GPM6A: variants seen among roughly 807,000 people sequenced by gnomAD.
GPM6A encodes neuronal membrane glycoprotein M6-a.
In GPM6A, 7 loss-of-function variants were observed where a neutral mutation model predicts 32.1. The ratio of observed to expected loss-of-function variants is 0.22; its 90% CI spans 0.12 to 0.41. The LOEUF (loss-of-function observed/expected upper bound fraction) is 0.41. Among genes scored for constraint, GPM6A ranks in the 10% least tolerant of loss-of-function variants. The pLI is 1.00. For synonymous variants in GPM6A, 130 were observed against 123.4 expected (o/e 1.05, Z -0.35); for missense variants, 235 against 347.2 (o/e 0.68, Z 2.57).
chr4:175,967,616 A>G (rs984775274), intron 1 of GPM6A, among the ~76,000 whole-genome samples: 19 of 152,190 alleles, frequency 1.2e-4, no homozygotes, highest in Non-Finnish European at 2.6e-4. Context: ...TCACTTTCTT[A>G]TATGCCAGCA....
chr4:175,763,951 A>T (rs2111216238), intron 1 of GPM6A, among the ~76,000 whole-genome samples: 1 of 152,308 alleles, frequency 6.6e-6, no homozygotes, highest in Admixed American at 6.5e-5. Context: ...GATTTTGGAA[A>T]TGTTGTTTTA....
chr4:175,911,075 A>C (rs1738299969), intron 1 of GPM6A, among the ~76,000 whole-genome samples: 1 of 152,128 alleles, frequency 6.6e-6, no homozygotes, highest in Non-Finnish European at 1.5e-5. Flanking sequence ...AGGGTGGTGA[A>C]ATAACCTCCC....
chr4:175,894,631 C>T (rs979999959), intron 1 of GPM6A, among the ~76,000 whole-genome samples: 2 of 152,074 alleles, frequency 1.3e-5, no homozygotes, highest in African/African-American at 4.8e-5. Context: ...GAGTAACCTG[C>T]ACAAACAACA....
At chr4:175,995,890 G>GACCT (rs763478938) in intron 1 of GPM6A, among the ~76,000 whole-genome samples, 1 of 146,128 alleles carries the variant, frequency 6.8e-6, no homozygotes, top group Non-Finnish European at 1.5e-5. Flanking sequence ...CCATTATTCT[G>GACCT]GTTATGTCGT....
chr4:175,701,781 C>A lies in GPM6A; in HGVS notation c.38-14G>T. On this transcript the variant is annotated splice_polypyrimidine_tract_variant and intron_variant, in intron 1 of 6. Coordinates refer to ENST00000393658, the MANE Select transcript of GPM6A (RefSeq NM_201591.3). ...ATTCAAAACACCCTGTAGAAGATCA[C>A]AAAGGGAGAAATTCATATTTTTGTT... The A allele has an allele frequency of 6.4e-7, 1 of 1,555,610 alleles. No individual in the cohort carries two copies. Among genetic ancestry groups the A allele is most frequent in the Non-Finnish European group, 8.7e-7 (1 of 1,143,316 alleles).
intron 1 of GPM6A, among the ~76,000 whole-genome samples, chr4:175,713,164 A>G (rs917333232): frequency 2.6e-5 from 4 of 152,064 alleles, no homozygotes; most frequent in Non-Finnish European, 5.9e-5. Flanking sequence ...TTAATAGTTA[A>G]CCCTTTAATG....
intron 3 of GPM6A, among the ~76,000 whole-genome samples, chr4:175,664,634 C>G (rs1018739301): frequency 1.3e-5 from 2 of 152,212 alleles, no homozygotes; most frequent in African/African-American, 4.8e-5. Context: ...TTTGCATCTA[C>G]TTAACCTCTC....
At chr4:175,922,287 A>G (rs1401161739) in intron 1 of GPM6A, among the ~76,000 whole-genome samples, 1 of 152,194 alleles carries the variant, frequency 6.6e-6, no homozygotes. Context: ...CAAATGTCCT[A>G]TAAGTCCCAC....
intron 1 of GPM6A, among the ~76,000 whole-genome samples, chr4:175,904,100 C>T (rs998486727): frequency 2.0e-5 from 3 of 151,798 alleles, no homozygotes; most frequent in Non-Finnish European, 1.5e-5. Flanking sequence ...TCAATGTTTC[C>T]AATGACATTC....
chr4:175,748,893 A>G (rs927964229), intron 1 of GPM6A, among the ~76,000 whole-genome samples: 5 of 152,190 alleles, frequency 3.3e-5, no homozygotes, highest in African/African-American at 7.2e-5. Context: ...TGGATAACCC[A>G]CTGCAGCTTC....
At chr4:175,903,699 G>A (rs1259060930) in intron 1 of GPM6A, among the ~76,000 whole-genome samples, 1 of 152,044 alleles carries the variant, frequency 6.6e-6, no homozygotes, top group Non-Finnish European at 1.5e-5. Context: ...CACACTGAGG[G>A]ACATTCCATA....
In GPM6A at chr4:175,776,146, T is replaced by A. The variant is rs767221855; in HGVS notation, c.37+36045A>T. Reference sequence around the variant, plus strand: ...AGATAACACATCGATGAGCAAAGACTTTTTCAAAAAGAGATCTATGGCAAG... The same window carrying A: ...AGATAACACATCGATGAGCAAAGACATTTTCAAAAAGAGATCTATGGCAAG... On this transcript the variant is annotated intron_variant, in intron 1 of 6. Coordinates refer to ENST00000393658, the MANE Select transcript of GPM6A (RefSeq NM_201591.3). Among the ~76,000 whole-genome samples the A allele has an allele frequency of 1.4e-4, 22 of 152,108 alleles. 1 individual carries two copies. The highest frequency in any genetic ancestry group is 2.9e-4 in the Non-Finnish European group (20 of 68,016).
chr4:175,735,738 T>A (rs1721341643), intron 1 of GPM6A, among the ~76,000 whole-genome samples: 1 of 152,084 alleles, frequency 6.6e-6, no homozygotes, highest in Non-Finnish European at 1.5e-5. Flanking sequence ...TTTTTTGTAT[T>A]TTTAGTGGAG....
At chr4:175,836,909 C>A (rs1161243539) in intron 1 of GPM6A, among the ~76,000 whole-genome samples, 1 of 152,098 alleles carries the variant, frequency 6.6e-6, no homozygotes, top group African/African-American at 2.4e-5. Context: ...AATAACAACT[C>A]CCCCAGGATG....
intron 1 of GPM6A, among the ~76,000 whole-genome samples, chr4:176,002,016 C>T (rs933777065): frequency 1.3e-5 from 2 of 152,162 alleles, no homozygotes; most frequent in African/African-American, 4.8e-5. Context: ...AGGCTTGGGT[C>T]CTGGGGCCGG....
At chr4:175,867,450 C>A (rs540699782) in intron 1 of GPM6A, among the ~76,000 whole-genome samples, 2 of 151,922 alleles carry the variant, frequency 1.3e-5, no homozygotes, top group African/African-American at 4.8e-5. Context: ...AGATCTGTGC[C>A]TAGATTGTTT....
chr4:175,807,914 T>C (rs542425049), intron 1 of GPM6A, among the ~76,000 whole-genome samples: 2 of 152,314 alleles, frequency 1.3e-5, no homozygotes, highest in East Asian at 3.9e-4. Context: ...TTTGGTCTAG[T>C]CAATTAATCT....
In GPM6A at chr4:175,701,778, T is replaced by A; in HGVS notation, c.38-11A>T. 6.4e-7 allele frequency: 1 copy of A among 1,566,170 alleles called. No individual in the cohort carries two copies. The highest frequency in any genetic ancestry group is 8.7e-7 in the Non-Finnish European group (1 of 1,151,512). On this transcript the variant is annotated splice_polypyrimidine_tract_variant and intron_variant, in intron 1 of 6. Coordinates refer to ENST00000393658, the MANE Select transcript of GPM6A (RefSeq NM_201591.3). ...AGCATTCAAAACACCCTGTAGAAGA[T>A]CACAAAGGGAGAAATTCATATTTTT... is the stretch of plus-strand genomic sequence containing the variant.
chr4:175,798,897 C>A (rs1452743499), intron 1 of GPM6A, among the ~76,000 whole-genome samples: 2 of 152,030 alleles, frequency 1.3e-5, no homozygotes, highest in Non-Finnish European at 2.9e-5. Context: ...TATATTGCAC[C>A]AAAAGAGGTA....
Sources: allele counts gnomAD v4.1 joint callset (sites outside exome capture counted in the v4.1 genomes callset), GRCh38; gene constraint gnomAD v4.1.1; transcripts MANE v1.5; gene names NCBI Gene and HGNC (gene_info 2026-07-23, HGNC 2026-07-21).